The following ARSG variants were observed in gnomAD, a reference collection of about 807,000 sequenced individuals.
ARSG encodes the protein ASG.
Under a neutral mutation model 50.5 loss-of-function variants are expected in ARSG, and 37 were observed. The ratio of observed to expected loss-of-function variants is 0.73; its 90% CI spans 0.56 to 0.96. ARSG has a LOEUF of 0.96. Ranked by LOEUF, ARSG falls within the 50% of genes least tolerant of loss-of-function variation. ARSG has a pLI of 0.00. For synonymous variants in ARSG, 225 were observed against 254.6 expected (o/e 0.88, Z 1.11); for missense variants, 629 against 675.3 (o/e 0.93, Z 0.76).
In ARSG at chr17:68,351,616, G is replaced by A. The variant is rs2078766303; in HGVS notation, c.496G>A (p.Gly166Ser). 6.2e-7 allele frequency: 1 copy of A among 1,613,914 alleles called. No individual in the cohort carries two copies. Among genetic ancestry groups the A allele is most frequent in the African/African-American group, 1.3e-5 (1 of 74,992 alleles). Residue 166 changes from glycine to serine, a missense_variant, in exon 5 of 12, where the codon GGC (glycine) becomes AGC (serine). Transcript: ENST00000621439. ...YFGIPYSHDM[G>S]CTDTPGYNHP... is the part of the protein sequence containing the mutation. ...TGGAATCCCATATAGCCATGATATG[G>A]GCTGTACTGATACTCCAGGCTACAA...
the ARSG span, among the ~76,000 whole-genome samples, chr17:68,449,626 T>A: frequency 6.6e-6 from 1 of 152,124 alleles, no homozygotes; most frequent in Non-Finnish European, 1.5e-5. Context: ...CCCCCACCCG[T>A]CTCTTGGTCC....
intron 2 of ARSG, among the ~76,000 whole-genome samples, chr17:68,311,202 C>T (rs1194633448): frequency 6.6e-6 from 1 of 152,158 alleles, no homozygotes; most frequent in African/African-American, 2.4e-5. Context: ...ATTTCTTCTC[C>T]ACTCTTCTCT....
chr17:68,278,386 C>T, intron 1 of ARSG: 1 of 1,100,776 alleles, frequency 9.1e-7, no homozygotes, highest in Non-Finnish European at 1.4e-6. Context: ...CGATGATTCT[C>T]ATACTCTTAA....
intron 1 of ARSG, among the ~76,000 whole-genome samples, chr17:68,280,830 T>C (rs937830326): frequency 3.4e-4 from 52 of 152,178 alleles, no homozygotes; most frequent in African/African-American, 1.2e-3. Context: ...AAAGGAAACA[T>C]ATCAACAGAG....
At position 68,395,174 on chromosome 17, in the gene ARSG, G is replaced by A. The variant is rs570153124; in HGVS notation, c.1193G>A (p.Arg398Gln). The A allele has an allele frequency of 6.3e-5, 102 of 1,613,982 alleles. No individual in the cohort carries two copies. The highest frequency in any genetic ancestry group is 1.8e-4 in the East Asian group (8 of 44,876). Residue 398 changes from arginine (R) to glutamine (Q), a missense_variant, in exon 10 of 12, where the codon CGG (arginine) becomes CAG (glutamine). By Grantham distance (43) the Arg-to-Gln change is conservative. Coordinates refer to ENST00000621439, the MANE Select transcript of ARSG (RefSeq NM_001267727.2). ...GVDVSEVLFG[R>Q]SQPGHRVLFH... is the part of the protein sequence containing the mutation. ...GACGTCTCCGAGGTGCTCTTTGGCC[G>A]GTCACAGCCTGGGCACAGGGTAAGT...
At chr17:68,331,150 A>G (rs1184304042) in intron 2 of ARSG, among the ~76,000 whole-genome samples, 1 of 150,272 alleles carries the variant, frequency 6.7e-6, no homozygotes, top group Non-Finnish European at 1.5e-5. Flanking sequence ...ACATCCAGCT[A>G]ATTTTTTGTA....
At chr17:68,273,613 T>C (rs1368500596) in intron 1 of ARSG, among the ~76,000 whole-genome samples, 2 of 152,184 alleles carry the variant, frequency 1.3e-5, no homozygotes, top group African/African-American at 4.8e-5. Flanking sequence ...CAGACACTGA[T>C]GTGAGAAATA....
At chr17:68,426,131 C>A, downstream of ARSG, 1 of 1,612,216 alleles carries the variant, frequency 6.2e-7, no homozygotes, top group Non-Finnish European at 8.5e-7. Context: ...AACTCATGTT[C>A]AGGAATAACT....
At chr17:68,451,971 G>C in the ARSG span, among the ~76,000 whole-genome samples, 4 of 152,126 alleles carry the variant, frequency 2.6e-5, no homozygotes, top group Non-Finnish European at 4.4e-5. Context: ...CACAAAAATG[G>C]TGTAATAACA....
chr17:68,385,085 C>CG lies in ARSG; in HGVS notation c.1005dup (p.Thr336AspfsTer21), dbSNP rs764479499. On this transcript the variant is annotated frameshift_variant, in exon 9 of 12. Coordinates refer to ENST00000621439, the MANE Select transcript of ARSG (RefSeq NM_001267727.2). LOFTEE classifies it high-confidence loss of function. ...ACAGGGGGAAGTCCAGCCAAGCAGA[C>CG]GACCTGGGAAGGAGGGCACCGGGTC... The CG allele has an allele frequency of 1.2e-6, 2 of 1,614,022 alleles. No homozygotes were observed. Among genetic ancestry groups the CG allele is most frequent in the Non-Finnish European group, 1.7e-6 (2 of 1,179,968 alleles).
At position 68,399,910 on chromosome 17, in the gene ARSG, C is replaced by A. The variant is rs555673093; in HGVS notation, c.1213-1450C>A. Reference sequence around the variant, plus strand: ...TGTGGTGAAGAGGCTTGGCTTTCTGCAGGGATGGAAGAAGTGAGGGTTTTC... The same window carrying A: ...TGTGGTGAAGAGGCTTGGCTTTCTGAAGGGATGGAAGAAGTGAGGGTTTTC... On this transcript the variant is annotated intron_variant, in intron 10 of 11. Coordinates refer to ENST00000621439, the MANE Select transcript of ARSG (RefSeq NM_001267727.2). The surrounding 1 kb of genome is among the most constrained non-coding windows in gnomAD (Gnocchi z 4.6). 2.6e-5 allele frequency among the ~76,000 whole-genome samples: 4 copies of A among 152,316 alleles called. No individual in the cohort carries two copies. Among genetic ancestry groups the A allele is most frequent in the African/African-American group, 4.8e-5 (2 of 41,576 alleles).
intron 2 of ARSG, among the ~76,000 whole-genome samples, chr17:68,308,113 G>A (rs535529943): frequency 5.9e-5 from 9 of 152,156 alleles, no homozygotes; most frequent in African/African-American, 2.2e-4. Context: ...GGACCAGCTT[G>A]GGCAACCTGG....
At chr17:68,298,019 A>G (rs1265152935) in intron 1 of ARSG, among the ~76,000 whole-genome samples, 2 of 127,796 alleles carry the variant, frequency 1.6e-5, no homozygotes, top group African/African-American at 5.9e-5. Flanking sequence ...CCAAAACTCC[A>G]TTTTTCAGGT....
intron 2 of ARSG, among the ~76,000 whole-genome samples, chr17:68,326,617 A>T (rs782736899): frequency 2.0e-5 from 3 of 152,240 alleles, no homozygotes; most frequent in Non-Finnish European, 2.9e-5. Context: ...GTCAGCCGAG[A>T]TCGTGCCATT....
chr17:68,381,811 G>C lies in ARSG; in HGVS notation c.983-3253G>C, dbSNP rs2080445806. 6.6e-6 allele frequency among the ~76,000 whole-genome samples: 1 copy of C among 152,188 alleles called. No homozygotes were observed. The highest frequency in any genetic ancestry group is 2.1e-4 in the South Asian group (1 of 4,830). On this transcript the variant is annotated intron_variant, in intron 8 of 11. Coordinates refer to ENST00000621439, the MANE Select transcript of ARSG (RefSeq NM_001267727.2). This position sits in a 1 kb window ranked among gnomAD's most constrained non-coding sequence, Gnocchi z 4.1. Reference sequence around the variant, plus strand: ...CGATTAAATCACAGTCTCTGGGAAAGAGACTTTGGCATGCGTATTTTTTAA... The same window carrying C: ...CGATTAAATCACAGTCTCTGGGAAACAGACTTTGGCATGCGTATTTTTTAA...
chr17:68,418,917 G>A (rs959260854), intron 11 of ARSG, among the ~76,000 whole-genome samples: 2 of 150,470 alleles, frequency 1.3e-5, no homozygotes, highest in African/African-American at 4.9e-5. Flanking sequence ...AGGAACTCTT[G>A]TAATTTTGAG....
chr17:68,291,922 G>A (rs1555756302), intron 1 of ARSG, among the ~76,000 whole-genome samples: 1 of 151,876 alleles, frequency 6.6e-6, no homozygotes, highest in Non-Finnish European at 1.5e-5. Context: ...TCGCGGCTGC[G>A]GCGGCTTCGC....
At chr17:68,349,104 T>C (rs9907771) in intron 4 of ARSG, among the ~76,000 whole-genome samples, 9,473 of 151,686 alleles carry the variant, frequency 0.062, 334 homozygotes, top group East Asian at 0.11. Flanking sequence ...GAGTTTGAGA[T>C]CAGCCAACAT....
chr17:68,305,096 C>G (rs1313516753), intron 1 of ARSG, among the ~76,000 whole-genome samples: 2 of 152,124 alleles, frequency 1.3e-5, no homozygotes, highest in Non-Finnish European at 2.9e-5. Context: ...ATCGTTTGAA[C>G]CCAGGAGTTT....
Sources: gnomAD v4.1 joint callset for allele counts (sites outside exome capture counted in the v4.1 genomes callset) on GRCh38, gnomAD v4.1.1 for gene constraint, Gnocchi (gnomAD v3.1) non-coding constraint, MANE v1.5 for transcripts, NCBI Gene and HGNC (gene_info 2026-07-23, HGNC 2026-07-21) for gene names.